RANBP17: variants seen among roughly 807,000 people sequenced by gnomAD.
RANBP17 encodes RAN binding protein 17.
In RANBP17, 158 loss-of-function variants were observed where a neutral mutation model predicts 141.2. The ratio of observed to expected loss-of-function variants is 1.12; its 90% confidence interval spans 0.98 to 1.28. The LOEUF (loss-of-function observed/expected upper bound fraction) is 1.28. RANBP17 is among the 50% of genes most tolerant of loss of function. The probability of loss-of-function intolerance (pLI) is 0.00; values close to 1 mark genes in which losing one functional copy is unlikely to be tolerated. For missense variants in RANBP17, 1,438 were observed against 1,290.7 expected (o/e 1.11, Z -1.75); for synonymous variants, 430 against 450.0 (o/e 0.96, Z 0.56).
At chr5:171,184,901 A>G (rs1761129610) in intron 18 of RANBP17, among the ~76,000 whole-genome samples, 1 of 152,108 alleles carries the variant, frequency 6.6e-6, no homozygotes, top group Non-Finnish European at 1.5e-5. Flanking sequence ...GGTGGCTCAC[A>G]CCTGTAATCC....
At chr5:171,089,947 C>A (rs1483471148) in intron 14 of RANBP17, among the ~76,000 whole-genome samples, 2 of 152,206 alleles carry the variant, frequency 1.3e-5, no homozygotes, top group Non-Finnish European at 1.5e-5. Flanking sequence ...GAGCTGTAGA[C>A]CGGAGCTGTT....
chr5:170,955,736 A>C (rs1286785379), intron 13 of RANBP17, among the ~76,000 whole-genome samples: 2 of 142,690 alleles, frequency 1.4e-5, no homozygotes, highest in Admixed American at 7.2e-5. Context: ...TTCAATCTAC[A>C]TAAAGATATA....
chr5:171,016,860 T>G (rs760402760), intron 14 of RANBP17, among the ~76,000 whole-genome samples: 7 of 151,970 alleles, frequency 4.6e-5, no homozygotes, highest in Non-Finnish European at 7.4e-5. Context: ...GCCATGGTGG[T>G]TTGCTGCACC....
intron 14 of RANBP17, among the ~76,000 whole-genome samples, chr5:170,990,012 T>C (rs777379054): frequency 6.6e-6 from 1 of 151,864 alleles, no homozygotes; most frequent in African/African-American, 2.4e-5. Flanking sequence ...CTACTTGTTA[T>C]ATACATTTGG....
intron 14 of RANBP17, among the ~76,000 whole-genome samples, chr5:171,018,128 A>G (rs1780585062): frequency 6.6e-6 from 1 of 152,092 alleles, no homozygotes; most frequent in South Asian, 2.1e-4. Flanking sequence ...CTGTTTTGGT[A>G]CCAGTACCAT....
At chr5:171,143,812 A>C (rs534756269) in intron 14 of RANBP17, among the ~76,000 whole-genome samples, 1 of 152,216 alleles carries the variant, frequency 6.6e-6, no homozygotes, top group Non-Finnish European at 1.5e-5. Context: ...TATTTGAACG[A>C]GGTCTTAAAG....
intron 25 of RANBP17, among the ~76,000 whole-genome samples, chr5:171,293,449 C>T (rs1171638315): frequency 6.6e-6 from 1 of 152,238 alleles, no homozygotes; most frequent in Non-Finnish European, 1.5e-5. Context: ...TGTCCCATTC[C>T]CCTCCCTCTC....
At chr5:170,918,390 G>A (rs956604241) in intron 9 of RANBP17, 1 of 140,782 alleles carries the variant, frequency 7.1e-6, no homozygotes, top group African/African-American at 3.1e-5. Flanking sequence ...GTTGACTTCT[G>A]TTTAAACCAC....
intron 14 of RANBP17, among the ~76,000 whole-genome samples, chr5:171,055,998 G>T (rs1783341624): frequency 2.6e-5 from 4 of 151,422 alleles, no homozygotes; most frequent in Non-Finnish European, 4.4e-5. Context: ...AAATCAGCTA[G>T]AGAGAAACAA....
intron 14 of RANBP17, among the ~76,000 whole-genome samples, chr5:171,009,796 A>G (rs1779902558): frequency 6.6e-6 from 1 of 152,132 alleles, no homozygotes; most frequent in Non-Finnish European, 1.5e-5. Context: ...AACAATTATA[A>G]CCTCTGGACA....
chr5:170,876,441 A>G (rs1017295789), intron 1 of RANBP17, among the ~76,000 whole-genome samples: 2 of 152,150 alleles, frequency 1.3e-5, no homozygotes, highest in African/African-American at 4.8e-5. Context: ...TTCATGAACT[A>G]TAAAGATTGT....
At chr5:171,073,859 G>A (rs1250648073) in intron 14 of RANBP17, among the ~76,000 whole-genome samples, 2 of 150,408 alleles carry the variant, frequency 1.3e-5, no homozygotes, top group Non-Finnish European at 3.0e-5. Flanking sequence ...TTTAAAGCAC[G>A]GAACAGTTTC....
chr5:171,178,031 T>C (rs1035326614), intron 16 of RANBP17, among the ~76,000 whole-genome samples: 1 of 152,004 alleles, frequency 6.6e-6, no homozygotes, highest in East Asian at 1.9e-4. Context: ...TTTTTTTTTT[T>C]TTGTTATACT....
chr5:171,007,551 G>A (rs762607483), intron 14 of RANBP17, among the ~76,000 whole-genome samples: 5 of 152,134 alleles, frequency 3.3e-5, no homozygotes, highest in Non-Finnish European at 5.9e-5. Flanking sequence ...TGAAGGGACA[G>A]GTGGGAGGGA....
At chr5:171,232,057 A>G (rs1047567628) in intron 22 of RANBP17, among the ~76,000 whole-genome samples, 1 of 152,248 alleles carries the variant, frequency 6.6e-6, no homozygotes, top group Non-Finnish European at 1.5e-5. Context: ...ATGTAAAGGT[A>G]GAATTCAAAT....
At chr5:170,937,653 A>G (rs1581190123) in intron 12 of RANBP17, among the ~76,000 whole-genome samples, 1 of 152,098 alleles carries the variant, frequency 6.6e-6, no homozygotes, top group Admixed American at 6.5e-5. Flanking sequence ...TTCAGTCCTA[A>G]CTTGTCCTTT....
intron 14 of RANBP17, among the ~76,000 whole-genome samples, chr5:171,067,438 T>C (rs1451187611): frequency 1.3e-5 from 2 of 152,184 alleles, no homozygotes; most frequent in African/African-American, 2.4e-5. Flanking sequence ...ATATTGGCAT[T>C]TATTTATCTG....
chr5:170,949,316 A>G (rs1775017932), intron 12 of RANBP17, among the ~76,000 whole-genome samples: 1 of 152,204 alleles, frequency 6.6e-6, no homozygotes, highest in Non-Finnish European at 1.5e-5. Context: ...GGGAGAAAAT[A>G]TTTGCATATC....
Position 171,192,744 on chromosome 5 carries a change from GCT to G in RANBP17, c.2039-6921_2039-6920del, listed in dbSNP as rs374200241. Reference sequence around the variant, plus strand: ...GGGACCTCAAAATGAGGCAAGTTTGGCTCTCTTAATGCCATCTACTCTGCCTT... The same window carrying G: ...GGGACCTCAAAATGAGGCAAGTTTGGCTCTTAATGCCATCTACTCTGCCTT... On this transcript the variant is annotated intron_variant, in intron 18 of 27. Transcript: ENST00000523189. Among the ~76,000 whole-genome samples the G allele has an allele frequency of 3.6e-3, 542 of 152,274 alleles. 4 individuals are homozygous for G. The highest frequency in any genetic ancestry group is 0.012 in the African/African-American group (504 of 41,558).
Sources: allele counts gnomAD v4.1 joint callset (sites outside exome capture counted in the v4.1 genomes callset), GRCh38; gene constraint gnomAD v4.1.1; transcripts MANE v1.5; gene names NCBI Gene and HGNC (gene_info 2026-07-23, HGNC 2026-07-21).